NELL2: variants seen among roughly 807,000 people sequenced by gnomAD.
The protein encoded by NELL2 is protein kinase C-binding protein NELL2.
In NELL2, 41 loss-of-function variants were observed where a neutral mutation model predicts 109.6. The ratio of observed to expected loss-of-function variants is 0.37; its 90% CI spans 0.29 to 0.49. The LOEUF (loss-of-function observed/expected upper bound fraction) is 0.49. NELL2 is among the 20% of genes least tolerant of loss of function. NELL2 has a pLI of 0.98. For synonymous variants in NELL2, 355 were observed against 344.7 expected (o/e 1.03, Z -0.33); for missense variants, 900 against 1,008.3 (o/e 0.89, Z 1.45).
intron 15 of NELL2, among the ~76,000 whole-genome samples, chr12:44,566,566 C>CACACACACACACACAG (rs377368706): frequency 5.6e-4 from 77 of 138,512 alleles, no homozygotes; most frequent in African/African-American, 1.9e-3. Flanking sequence ...CACACACACA[C>CACACACACACACACAG]AGAGTTTTAT....
chr12:44,531,486 C>T (rs891744015), intron 16 of NELL2, among the ~76,000 whole-genome samples: 3 of 152,082 alleles, frequency 2.0e-5, no homozygotes, highest in Non-Finnish European at 4.4e-5. Flanking sequence ...TGGTAACATG[C>T]AAATGCCAGG....
At chr12:44,601,781 T>A (rs1207089108) in intron 15 of NELL2, among the ~76,000 whole-genome samples, 1 of 152,160 alleles carries the variant, frequency 6.6e-6, no homozygotes, top group South Asian at 2.1e-4. Flanking sequence ...GAGATAGATA[T>A]TACTATCATC....
chr12:44,873,153 G>A (rs548337649), intron 2 of NELL2, among the ~76,000 whole-genome samples: 1 of 152,190 alleles, frequency 6.6e-6, no homozygotes, highest in East Asian at 1.9e-4. Context: ...TGATTGATTG[G>A]TTATATTAAA....
At chr12:44,810,083 A>C (rs935093756) in intron 3 of NELL2, among the ~76,000 whole-genome samples, 1 of 152,048 alleles carries the variant, frequency 6.6e-6, no homozygotes, top group Non-Finnish European at 1.5e-5. Flanking sequence ...ACATTCTCCA[A>C]ATCCTACCAC....
intron 1 of NELL2, among the ~76,000 whole-genome samples, chr12:44,900,307 A>G (rs556848818): frequency 1.3e-5 from 2 of 152,346 alleles, no homozygotes; most frequent in East Asian, 3.9e-4. Flanking sequence ...AATAGAATAT[A>G]CATTCTTCTC....
chr12:44,589,568 A>G (rs1157259997), intron 15 of NELL2, among the ~76,000 whole-genome samples: 4 of 152,092 alleles, frequency 2.6e-5, no homozygotes, highest in Non-Finnish European at 5.9e-5. Context: ...TTTAGTAAAG[A>G]TGCGGTTTCA....
intron 2 of NELL2, among the ~76,000 whole-genome samples, chr12:44,840,107 T>C (rs1278656669): frequency 6.6e-6 from 1 of 152,204 alleles, no homozygotes; most frequent in Non-Finnish European, 1.5e-5. Context: ...TGCTTTTGCC[T>C]GCAATGTCCT....
In NELL2 at chr12:44,802,664, G is replaced by A. The variant is rs1236400818; in HGVS notation, c.335+13322C>T. Among the ~76,000 whole-genome samples, 5 of 151,950 alleles carry A rather than the reference G, an allele frequency of 3.3e-5. No homozygotes were observed. In the East Asian group the frequency reaches 9.7e-4, roughly 29 times the overall value. On this transcript the variant is annotated intron_variant, in intron 3 of 19. Coordinates refer to ENST00000429094, the MANE Select transcript of NELL2 (RefSeq NM_001145108.2). The stretch of plus-strand genomic sequence containing the variant: ...TTTAAATAGGACTTACATGGTGAAT[G>A]CTGATATGCATTGGAAATAATACGT...
rs147498804 is a variant in NELL2, at chr12:44,738,351, A to C, written c.995-23610T>G. Among the ~76,000 whole-genome samples, 811 of 152,282 alleles carry C rather than the reference A, an allele frequency of 5.3e-3. 8 individuals are homozygous for C. The highest frequency in any genetic ancestry group is 0.019 in the African/African-American group (771 of 41,566). On this transcript the variant is annotated intron_variant, in intron 9 of 19. Transcript: ENST00000429094. ...AATCTCTCAAAGAATATGCACTCCT[A>C]TGTTCACTGCAGCAGTATTCATAAT...
chr12:44,683,745 C>G (rs1383871920), intron 12 of NELL2, among the ~76,000 whole-genome samples: 2 of 152,204 alleles, frequency 1.3e-5, no homozygotes, highest in Admixed American at 6.5e-5. Flanking sequence ...TATGTTGAAA[C>G]AGCCTTGCAT....
At chr12:44,515,781 T>C (rs1348657465) in intron 19 of NELL2, among the ~76,000 whole-genome samples, 3 of 151,972 alleles carry the variant, frequency 2.0e-5, no homozygotes, top group Non-Finnish European at 4.4e-5. Context: ...TATTTTTGGC[T>C]ATATTTATTG....
At chr12:44,743,105 G>T (rs1053740893) in intron 9 of NELL2, among the ~76,000 whole-genome samples, 6 of 152,080 alleles carry the variant, frequency 3.9e-5, no homozygotes, top group African/African-American at 1.4e-4. Context: ...CAGATCTCTC[G>T]GCAGAAACTC....
At chr12:44,810,722 A>AT (rs1414940378) in intron 3 of NELL2, among the ~76,000 whole-genome samples, 4 of 151,940 alleles carry the variant, frequency 2.6e-5, no homozygotes, top group Admixed American at 1.3e-4. Context: ...CTTTATACAT[A>AT]TTTTTTTGTT....
Position 44,696,565 on chromosome 12 carries a change from C to T in NELL2, c.1318+7161G>A, listed in dbSNP as rs1364946131. Reference sequence around the variant, plus strand: ...ATGAATGTTATGAATGAACAAATTCCTTTTCTTGCACTATTCAGAATAATT... The same window carrying T: ...ATGAATGTTATGAATGAACAAATTCTTTTTCTTGCACTATTCAGAATAATT... On this transcript the variant is annotated intron_variant, in intron 12 of 19. Transcript: ENST00000429094. Among the ~76,000 whole-genome samples the T allele has an allele frequency of 2.6e-5, 4 of 152,248 alleles. No homozygotes were observed. The East Asian group carries it at 7.7e-4, about 29-fold the overall frequency.
At chr12:44,519,932 A>C (rs2138978889) in intron 19 of NELL2, 73 bp downstream of exon 19, 1 of 1,293,022 alleles carries the variant, frequency 7.7e-7, no homozygotes, top group Non-Finnish European at 1.1e-6. Context: ...TTGTCCAGGT[A>C]GAGCACATTA....
chr12:44,644,504 A>G (rs1946980968), intron 13 of NELL2, among the ~76,000 whole-genome samples: 1 of 149,714 alleles, frequency 6.7e-6, no homozygotes, highest in African/African-American at 2.5e-5. Context: ...CAGCTTTTGG[A>G]TGAAGAGCTA....
At chr12:44,911,868 T>G (rs1283765081) in intron 1 of NELL2, among the ~76,000 whole-genome samples, 3 of 151,898 alleles carry the variant, frequency 2.0e-5, no homozygotes, top group African/African-American at 7.2e-5. Flanking sequence ...ATACTTAAAC[T>G]GCCCCCTGAG....
chr12:44,911,331 A>G (rs534159748), intron 1 of NELL2, among the ~76,000 whole-genome samples: 1 of 152,126 alleles, frequency 6.6e-6, no homozygotes, highest in Admixed American at 6.6e-5. Flanking sequence ...GTCTTATTCA[A>G]TTTCAAGAAG....
At chr12:44,838,092 A>T (rs180822901) in intron 2 of NELL2, among the ~76,000 whole-genome samples, 144 of 152,312 alleles carry the variant, frequency 9.5e-4, no homozygotes, top group Non-Finnish European at 2.1e-4. Context: ...CAATCCATAG[A>T]GTTTACCTTT....
Sources: allele counts gnomAD v4.1 joint callset (sites outside exome capture counted in the v4.1 genomes callset), GRCh38; gene constraint gnomAD v4.1.1; transcripts MANE v1.5; gene names NCBI Gene and HGNC (gene_info 2026-07-23, HGNC 2026-07-21).